ANO4: variants seen among roughly 807,000 people sequenced by gnomAD.
ANO4 encodes the protein anoctamin 4.
In ANO4, 69 loss-of-function variants were observed where a neutral mutation model predicts 141.9. The ratio of observed to expected loss-of-function variants is 0.49; its 90% CI spans 0.40 to 0.59. ANO4 has a LOEUF of 0.59. ANO4 is among the 20% of genes least tolerant of loss of function. The probability of loss-of-function intolerance (pLI) is 0.00; values close to 1 mark genes in which losing one functional copy is unlikely to be tolerated. For missense variants in ANO4, 894 were observed against 1,162.2 expected (o/e 0.77, Z 3.36); for synonymous variants, 350 against 394.3 (o/e 0.89, Z 1.33).
intron 8 of ANO4, among the ~76,000 whole-genome samples, chr12:100,993,909 C>T (rs1201528381): frequency 6.6e-6 from 1 of 152,164 alleles, no homozygotes; most frequent in Admixed American, 6.5e-5. Context: ...AACAGGAAGG[C>T]TCTAGGTCTC....
At chr12:100,824,532 C>T (rs1434756045) in intron 1 of ANO4, among the ~76,000 whole-genome samples, 1 of 152,034 alleles carries the variant, frequency 6.6e-6, no homozygotes, top group Non-Finnish European at 1.5e-5. Context: ...CTTAAGATGA[C>T]TTCCAGACTC....
intron 17 of ANO4, 93 bp from the exon 18 acceptor site, chr12:101,094,163 T>C: frequency 1.0e-6 from 1 of 992,924 alleles, no homozygotes; most frequent in Non-Finnish European, 1.6e-6. Context: ...TGAAATTATT[T>C]TGACTCGTGA....
At chr12:100,747,520 C>A (rs888694756) in intron 3 of ANO4, among the ~76,000 whole-genome samples, 1 of 152,182 alleles carries the variant, frequency 6.6e-6, no homozygotes, top group Admixed American at 6.5e-5. Context: ...TGCCTTGTGC[C>A]CTCCTTCTCC....
At chr12:100,942,616 T>C in intron 5 of ANO4, 81 bp downstream of exon 5, 1 of 1,413,480 alleles carries the variant, frequency 7.1e-7, no homozygotes, top group Non-Finnish European at 9.5e-7. Flanking sequence ...GCAAGCAGTC[T>C]TAATGTTAAC....
upstream of ANO4, among the ~76,000 whole-genome samples, chr12:100,791,187 T>C (rs933779730): frequency 2.0e-5 from 3 of 152,156 alleles, no homozygotes; most frequent in Non-Finnish European, 2.9e-5. Context: ...GAGACTAGCC[T>C]GGGCAACACG....
chr12:100,976,128 T>C (rs1010879904), intron 7 of ANO4, among the ~76,000 whole-genome samples: 87 of 152,178 alleles, frequency 5.7e-4, no homozygotes, highest in African/African-American at 2.0e-3. Flanking sequence ...ATCTTATGTT[T>C]TCATTCACCC....
intron 3 of ANO4, among the ~76,000 whole-genome samples, chr12:100,755,252 C>T (rs758160741): frequency 4.6e-4 from 70 of 152,094 alleles, no homozygotes; most frequent in Non-Finnish European, 9.4e-4. Flanking sequence ...TTTGCTTATG[C>T]TCATCCCTCA....
chr12:100,911,754 G>A (rs1297263239), intron 2 of ANO4, among the ~76,000 whole-genome samples: 1 of 152,076 alleles, frequency 6.6e-6, no homozygotes, highest in African/African-American at 2.4e-5. Flanking sequence ...GAGAGGAGAG[G>A]ATTATTAAGG....
chr12:100,940,397 CTCATTGT>C, intron 4 of ANO4, among the ~76,000 whole-genome samples: 1 of 152,268 alleles, frequency 6.6e-6, no homozygotes, highest in Middle Eastern at 3.4e-3. Flanking sequence ...GGTGGCACAG[CTCATTGT>C]TCTGCTTGGA....
At position 100,987,546 on chromosome 12, in the gene ANO4, A is replaced by C. The variant is rs780126395; in HGVS notation, c.610A>C (p.Lys204Gln). The C allele has an allele frequency of 6.2e-7, 1 of 1,613,774 alleles. No individual in the cohort carries two copies. The highest frequency in any genetic ancestry group is 2.2e-5 in the East Asian group (1 of 44,862). The change falls in exon 8 of 28, where the codon AAA (lysine) becomes CAA (glutamine). Residue 204 changes from lysine to glutamine, a missense_variant. Physicochemically the swap from Lys to Gln is moderately conservative, Grantham distance 53. This residue lies in a region of ANO4 where 257 missense variants were observed against 253.0 expected (regional missense o/e 1.02). Transcript: ENST00000392977. The stretch of plus-strand genomic sequence containing the variant: ...GCCTTCCATGTACCACAGGATCGAT[A>C]AACAAATAAGCAGGTTTCGGAGATG... ...RRYKFMSRID[K>Q]QISRFRRWLP...
At chr12:101,038,977 C>T (rs1218027105) in intron 10 of ANO4, 1 of 152,080 alleles carries the variant, frequency 6.6e-6, no homozygotes, top group Non-Finnish European at 1.5e-5. Flanking sequence ...TAGCTTGCCT[C>T]CAGAAAGTAC....
chr12:101,033,567 G>A (rs2047071195), intron 9 of ANO4, among the ~76,000 whole-genome samples: 1 of 152,050 alleles, frequency 6.6e-6, no homozygotes, highest in African/African-American at 2.4e-5. Flanking sequence ...ATACCATTCA[G>A]GACATAGGCA....
Position 101,080,321 on chromosome 12 carries a change from C to G in ANO4, c.1395+1046C>G, listed in dbSNP as rs574924431. Among the ~76,000 whole-genome samples, 5 of 152,136 alleles carry G rather than the reference C, an allele frequency of 3.3e-5. No individual in the cohort carries two copies. The East Asian group carries it at 7.7e-4, about 24-fold the overall frequency. On this transcript the variant is annotated intron_variant, in intron 15 of 27. Coordinates refer to ENST00000392977, the MANE Select transcript of ANO4 (RefSeq NM_001286615.2). ...TATGCCTCCTCAATGGCTGCCTGTT[C>G]CCCTTCTCCCATGAACATGTTTGGG... is the stretch of plus-strand genomic sequence containing the variant.
chr12:100,927,938 G>A (rs1186189603), intron 3 of ANO4, among the ~76,000 whole-genome samples: 4 of 152,092 alleles, frequency 2.6e-5, no homozygotes, highest in Non-Finnish European at 4.4e-5. Flanking sequence ...AGGATTGTGG[G>A]ATCATTGTTA....
At chr12:100,753,396 G>A (rs949085927) in intron 3 of ANO4, among the ~76,000 whole-genome samples, 6 of 152,166 alleles carry the variant, frequency 3.9e-5, no homozygotes, top group East Asian at 1.9e-4. Flanking sequence ...AGTGGGCTCA[G>A]ATCTGAGTCC....
chr12:101,106,914 G>T (rs2050470878), intron 22 of ANO4, among the ~76,000 whole-genome samples: 1 of 147,994 alleles, frequency 6.8e-6, no homozygotes, highest in Non-Finnish European at 1.5e-5. Flanking sequence ...AGCAGTTAAT[G>T]GGCATTAATC....
chr12:101,080,297 A>G (rs1593215841), intron 15 of ANO4, among the ~76,000 whole-genome samples: 2 of 152,012 alleles, frequency 1.3e-5, no homozygotes, highest in South Asian at 4.2e-4. Flanking sequence ...CCTTCACACT[A>G]TGCCTCCTCA....
At chr12:100,908,706 C>A (rs1221792387) in intron 2 of ANO4, among the ~76,000 whole-genome samples, 2 of 152,156 alleles carry the variant, frequency 1.3e-5, no homozygotes, top group African/African-American at 2.4e-5. Context: ...ATCTTAGTAG[C>A]AGCTTGGACA....
intron 2 of ANO4, among the ~76,000 whole-genome samples, chr12:100,904,184 C>G (rs746209675): frequency 6.6e-6 from 1 of 152,182 alleles, no homozygotes; most frequent in Admixed American, 6.5e-5. Flanking sequence ...ACAATAGCTT[C>G]TGAATTTTTC....
Sources: gnomAD v4.1 joint callset for allele counts (sites outside exome capture counted in the v4.1 genomes callset) on GRCh38, gnomAD v4.1.1 for gene constraint, gnomAD v4.1.1 regional missense constraint, MANE v1.5 for transcripts, NCBI Gene and HGNC (gene_info 2026-07-23, HGNC 2026-07-21) for gene names.